Variants in KAZN observed in about 807,000 individuals in gnomAD.
The protein encoded by KAZN is kazrin, periplakin interacting protein.
Under a neutral mutation model 87.4 loss-of-function variants are expected in KAZN, and 40 were observed. The observed-to-expected ratio is 0.46, with a 90% confidence interval of 0.36 to 0.60. The LOEUF is 0.60. Among genes scored for constraint, KAZN ranks in the 20% least tolerant of loss-of-function variants. KAZN has a pLI of 0.00. For missense variants in KAZN, 898 were observed against 1,073.9 expected (o/e 0.84, Z 2.29); for synonymous variants, 466 against 458.3 (o/e 1.02, Z -0.22).
intron 1 of KAZN, among the ~76,000 whole-genome samples, chr1:14,094,819 A>G (rs1644090263): frequency 6.6e-6 from 1 of 152,166 alleles, no homozygotes; most frequent in Non-Finnish European, 1.5e-5. Flanking sequence ...AATCCCTTAG[A>G]AAAGAGGCAC....
At chr1:13,966,767 GAATTTTTTAT>G (rs1263849583) in intron 1 of KAZN, among the ~76,000 whole-genome samples, 7 of 152,230 alleles carry the variant, frequency 4.6e-5, no homozygotes, top group African/African-American at 1.2e-4. Context: ...ATGGCATTAG[GAATTTTTTAT>G]AATTTTTTAT....
At position 14,736,935 on chromosome 1, in the gene KAZN, A is replaced by G. The variant is rs574994576; in HGVS notation, c.226+137712A>G. 2.6e-5 allele frequency among the ~76,000 whole-genome samples: 4 copies of G among 152,256 alleles called. No individual in the cohort carries two copies. In the South Asian group the frequency reaches 8.3e-4, roughly 32 times the overall value. On this transcript the variant is annotated intron_variant, in intron 1 of 14. Coordinates refer to ENST00000376030, the MANE Select transcript of KAZN (RefSeq NM_201628.3). ...AAGGGCTGAGGATATAGAGAACAAA[A>G]CAGACCAAAATCCTTGACCTGAGAG... is the stretch of plus-strand genomic sequence containing the variant.
chr1:14,370,291 G>A lies in KAZN; in HGVS notation c.249+189699G>A, dbSNP rs776588138. On this transcript the variant is annotated intron_variant, in intron 2 of 16. Coordinates refer to the KAZN transcript ENST00000636203. ...CCTGGGTAGGGTGGAGGGTGGGCAA[G>A]GACCTTCCTTCAGGAGGCCCAGGCA... Among the ~76,000 whole-genome samples the A allele has an allele frequency of 6.5e-4, 99 of 152,200 alleles. 1 individual carries two copies. The highest frequency in any genetic ancestry group is 1.3e-3 in the Non-Finnish European group (88 of 68,034).
chr1:14,909,435 C>A (rs572921006), intron 1 of KAZN, among the ~76,000 whole-genome samples: 1 of 152,318 alleles, frequency 6.6e-6, no homozygotes, highest in East Asian at 1.9e-4. Context: ...GGCCCCTCTG[C>A]CTCCCACCAA....
chr1:15,031,555 G>GTGTTGTGTTGTGTTT (rs1431433901), intron 2 of KAZN, among the ~76,000 whole-genome samples: 2 of 134,260 alleles, frequency 1.5e-5, no homozygotes, highest in African/African-American at 7.6e-5. Context: ...TACTCAGGGT[G>GTGTTGTGTTGTGTTT]TGTTGTGTTG....
At chr1:15,003,792 C>T (rs1668738459) in intron 2 of KAZN, among the ~76,000 whole-genome samples, 1 of 152,118 alleles carries the variant, frequency 6.6e-6, no homozygotes, top group South Asian at 2.1e-4. Flanking sequence ...GGATACTCTT[C>T]CCCAGGTGTG....
chr1:14,772,845 A>T (rs987024860), intron 1 of KAZN, among the ~76,000 whole-genome samples: 1 of 152,084 alleles, frequency 6.6e-6, no homozygotes, highest in African/African-American at 2.4e-5. Context: ...TTTCTCTACC[A>T]AGAAAGAGAA....
Position 15,114,824 on chromosome 1 carries a change from C to G in KAZN, c.*189C>G, listed in dbSNP as rs573134423. 2 of 565,774 alleles carry G rather than the reference C, an allele frequency of 3.5e-6. No individual in the cohort carries two copies. The highest frequency in any genetic ancestry group is 6.2e-6 in the Non-Finnish European group (2 of 324,620). 35.0% of individuals were successfully genotyped at this position (565,774 alleles called of 1,614,324 possible). A position where few individuals can be genotyped will look rare whatever the true frequency, so the allele number is the denominator to read the frequency against. ...CCAGGAGAGAGAAGACACCAGCCCACCTGTCTTGGGTGGGCCATGGACTTT... is the reference window on the plus strand; with the variant it reads ...CCAGGAGAGAGAAGACACCAGCCCAGCTGTCTTGGGTGGGCCATGGACTTT... On this transcript the variant is annotated 3_prime_UTR_variant, in exon 15 of 15. Transcript: ENST00000376030.
chr1:14,025,723 T>C (rs1053010126), intron 1 of KAZN, among the ~76,000 whole-genome samples: 2 of 152,204 alleles, frequency 1.3e-5, no homozygotes, highest in South Asian at 4.1e-4. Flanking sequence ...GGAACTGAAT[T>C]TTAAACTTTA....
intron 1 of KAZN, among the ~76,000 whole-genome samples, chr1:14,676,314 G>A (rs1243583878): frequency 6.6e-6 from 1 of 152,128 alleles, no homozygotes; most frequent in Non-Finnish European, 1.5e-5. Flanking sequence ...AAAATGTCAG[G>A]TCCTTCTTGT....
rs190724332 is a variant in KAZN, at chr1:14,079,738, G to A, written c.92-100697G>A. 5.2e-3 allele frequency among the ~76,000 whole-genome samples: 797 copies of A among 152,314 alleles called. 14 individuals carry two copies. Among genetic ancestry groups the A allele is most frequent in the African/African-American group, 0.018 (763 of 41,550 alleles). ...GGGTACAGCTGCAAGTGCTGCGGGT[G>A]AGTATTCTCGGAGCAAATGGGAAAA... On this transcript the variant is annotated intron_variant, in intron 1 of 16. Transcript: ENST00000636203.
chr1:14,281,785 G>C (rs954358154), intron 2 of KAZN, among the ~76,000 whole-genome samples: 4 of 152,196 alleles, frequency 2.6e-5, no homozygotes, highest in African/African-American at 9.7e-5. Flanking sequence ...GCTTCCTACT[G>C]TCACTTTGCT....
chr1:14,202,765 A>G (rs773781714), intron 2 of KAZN, among the ~76,000 whole-genome samples: 5 of 152,106 alleles, frequency 3.3e-5, no homozygotes, highest in Non-Finnish European at 7.4e-5. Context: ...GAAGATAAAA[A>G]TCATGATCAG....
chr1:14,920,242 AC>A (rs915216264), intron 1 of KAZN, among the ~76,000 whole-genome samples: 1 of 144,514 alleles, frequency 6.9e-6, no homozygotes, highest in Non-Finnish European at 1.5e-5. Flanking sequence ...TCTGGATGGG[AC>A]CTGCACTTTT....
At chr1:14,666,287 T>C (rs1203844633) in intron 1 of KAZN, among the ~76,000 whole-genome samples, 3 of 152,052 alleles carry the variant, frequency 2.0e-5, no homozygotes, top group Non-Finnish European at 2.9e-5. Flanking sequence ...GCAGGATTTG[T>C]AGAGGGTTTT....
chr1:14,466,728 G>A (rs1668158770), intron 2 of KAZN, among the ~76,000 whole-genome samples: 1 of 151,562 alleles, frequency 6.6e-6, no homozygotes, highest in African/African-American at 2.4e-5. Flanking sequence ...CAGCACTTCG[G>A]GAGGCCGAGG....
At chr1:14,221,172 T>G (rs962371984) in intron 2 of KAZN, among the ~76,000 whole-genome samples, 1 of 152,326 alleles carries the variant, frequency 6.6e-6, no homozygotes, top group South Asian at 2.1e-4. Context: ...AATCTCTTCC[T>G]CTTTCATATC....
intron 1 of KAZN, among the ~76,000 whole-genome samples, chr1:13,980,075 T>G (rs574350382): frequency 1.3e-5 from 2 of 152,274 alleles, no homozygotes; most frequent in South Asian, 4.1e-4. Flanking sequence ...ATGTCCTAAT[T>G]TAGGTAGATT....
chr1:14,692,062 A>C (rs1641347904), intron 1 of KAZN: 1 of 263,780 alleles, frequency 3.8e-6, no homozygotes, highest in African/African-American at 2.3e-5. Flanking sequence ...AAAAAAAATA[A>C]AATAATGAAT....
Sources: allele counts gnomAD v4.1 joint callset (sites outside exome capture counted in the v4.1 genomes callset), GRCh38; gene constraint gnomAD v4.1.1; transcripts MANE v1.5; gene names NCBI Gene and HGNC (gene_info 2026-07-23, HGNC 2026-07-21).